The following TBC1D19 variants were observed in gnomAD, a reference collection of about 807,000 sequenced individuals.
TBC1D19 encodes the protein TBC1 domain family, member 19.
TBC1D19 carries 60 observed loss-of-function variants against 89.0 expected under a neutral mutation model. The ratio of observed to expected loss-of-function variants is 0.67; its 90% CI spans 0.55 to 0.84. TBC1D19 has a LOEUF of 0.84. Ranked by LOEUF, TBC1D19 falls within the 40% of genes least tolerant of loss-of-function variation. The pLI, the probability that TBC1D19 is intolerant of heterozygous loss-of-function variation, is 0.00. For synonymous variants in TBC1D19, 189 were observed against 199.7 expected, an observed-to-expected ratio of 0.95 and a Z score of 0.45; for missense variants, 500 against 610.8, an observed-to-expected ratio of 0.82 and a Z score of 1.91.
At chr4:26,590,242 A>T (rs2109945725) in intron 1 of TBC1D19, among the ~76,000 whole-genome samples, 1 of 152,288 alleles carries the variant, frequency 6.6e-6, no homozygotes, top group African/African-American at 2.4e-5. Context: ...CAGTTTACTG[A>T]TGGGTTCAGA....
the TBC1D19 span, among the ~76,000 whole-genome samples, chr4:26,777,425 G>A: frequency 1.1e-4 from 16 of 151,866 alleles, 1 homozygote; most frequent in East Asian, 9.7e-4. Flanking sequence ...GTGAGCCACC[G>A]CACTCTGCCT....
chr4:26,796,005 T>C, the TBC1D19 span, among the ~76,000 whole-genome samples: 1 of 152,222 alleles, frequency 6.6e-6, no homozygotes, highest in Admixed American at 6.5e-5. Flanking sequence ...ATGTTAATAC[T>C]GTACACATTG....
At chr4:26,603,940 T>C (rs560617359) in intron 1 of TBC1D19, among the ~76,000 whole-genome samples, 11 of 152,272 alleles carry the variant, frequency 7.2e-5, no homozygotes, top group Admixed American at 6.5e-4. Flanking sequence ...GCTGAAACTC[T>C]GTACCCATAA....
chr4:26,784,912 A>C, the TBC1D19 span, among the ~76,000 whole-genome samples: 2 of 152,262 alleles, frequency 1.3e-5, no homozygotes, highest in African/African-American at 4.8e-5. Flanking sequence ...CAAAGGGTGA[A>C]TGTTGACCAT....
intron 9 of TBC1D19, among the ~76,000 whole-genome samples, chr4:26,669,063 G>A (rs1289315477): frequency 6.6e-6 from 1 of 151,378 alleles, no homozygotes; most frequent in Admixed American, 6.6e-5. Context: ...TTAACAGAGT[G>A]AGCAAGCTCA....
rs780786187 is a variant in TBC1D19, at chr4:26,739,988, A to C, written c.1227+15A>C. 6.7e-7 allele frequency: 1 copy of C among 1,494,320 alleles called. No individual in the cohort carries two copies. Among genetic ancestry groups the C allele is most frequent in the African/African-American group, 1.4e-5 (1 of 70,850 alleles). The allele number at this position is 1,494,320 out of a possible 1,614,324, so 92.6% of individuals were successfully genotyped here. ...CTCATCCTTCTGTAAGTTCATAAGAAAAACTTGATCAAATTAGGTTGGATT... is the reference window on the plus strand; with the variant it reads ...CTCATCCTTCTGTAAGTTCATAAGACAAACTTGATCAAATTAGGTTGGATT... On this transcript the variant is annotated intron_variant, in intron 17 of 20. Transcript: ENST00000264866.
intron 1 of TBC1D19, among the ~76,000 whole-genome samples, chr4:26,592,745 C>G (rs1451942336): frequency 2.6e-5 from 4 of 151,290 alleles, no homozygotes; most frequent in Admixed American, 6.6e-5. Context: ...ACAATTGCTT[C>G]AAAGAGAATA....
chr4:26,820,297 T>C, the TBC1D19 span, among the ~76,000 whole-genome samples: 1 of 152,202 alleles, frequency 6.6e-6, no homozygotes, highest in Non-Finnish European at 1.5e-5. Context: ...TTGTACTGTT[T>C]GTTCAACATC....
At chr4:26,786,836 G>A in the TBC1D19 span, among the ~76,000 whole-genome samples, 1 of 151,914 alleles carries the variant, frequency 6.6e-6, no homozygotes, top group Non-Finnish European at 1.5e-5. Flanking sequence ...AGATGGGGCC[G>A]AATGGCCGGT....
chr4:26,816,264 A>G, the TBC1D19 span, among the ~76,000 whole-genome samples: 1 of 152,104 alleles, frequency 6.6e-6, no homozygotes, highest in African/African-American at 2.4e-5. Context: ...TTATGGAGCA[A>G]TTGCTACATT....
At chr4:26,797,698 C>T in the TBC1D19 span, among the ~76,000 whole-genome samples, 197 of 152,228 alleles carry the variant, frequency 1.3e-3, 2 homozygotes, top group African/African-American at 4.4e-3. Context: ...AAATTAGACA[C>T]ATAGGTTAAT....
chr4:26,799,096 G>A, the TBC1D19 span, among the ~76,000 whole-genome samples: 1 of 152,164 alleles, frequency 6.6e-6, no homozygotes, highest in African/African-American at 2.4e-5. Flanking sequence ...ATTAAGTAGA[G>A]ATGCTAGAAT....
At chr4:26,757,045 GCT>G (rs1719293977), downstream of TBC1D19, among the ~76,000 whole-genome samples, 1 of 151,142 alleles carries the variant, frequency 6.6e-6, no homozygotes, top group Non-Finnish European at 1.5e-5. Context: ...ACGCAGTCTG[GCT>G]CTGTCACCCA....
the TBC1D19 span, among the ~76,000 whole-genome samples, chr4:26,781,352 G>T: frequency 6.6e-6 from 1 of 152,298 alleles, no homozygotes; most frequent in South Asian, 2.1e-4. Flanking sequence ...CTGGTTCTCT[G>T]CAACTTCCTA....
chr4:26,595,833 A>C (rs1219417752), intron 1 of TBC1D19, among the ~76,000 whole-genome samples: 2 of 152,198 alleles, frequency 1.3e-5, no homozygotes, highest in African/African-American at 4.8e-5. Flanking sequence ...TTCTTTCACC[A>C]ATACCACACT....
chr4:26,855,714 C>A, the TBC1D19 span, among the ~76,000 whole-genome samples: 1 of 152,320 alleles, frequency 6.6e-6, no homozygotes, highest in South Asian at 2.1e-4. Context: ...TCTGTGGCAT[C>A]TTTTTCTAAA....
chr4:26,616,805 T>A (rs1041660461), intron 3 of TBC1D19, among the ~76,000 whole-genome samples: 3 of 152,222 alleles, frequency 2.0e-5, no homozygotes, highest in African/African-American at 7.2e-5. Context: ...CCATTTCAGA[T>A]TGCATACTTT....
At chr4:26,794,933 A>G in the TBC1D19 span, among the ~76,000 whole-genome samples, 6 of 152,174 alleles carry the variant, frequency 3.9e-5, no homozygotes, top group African/African-American at 1.4e-4. Flanking sequence ...TCTCTTGTCA[A>G]GATTACTGTG....
the TBC1D19 span, among the ~76,000 whole-genome samples, chr4:26,810,465 G>A: frequency 6.6e-6 from 1 of 152,164 alleles, no homozygotes; most frequent in African/African-American, 2.4e-5. Flanking sequence ...GACCCTGTAT[G>A]ATCAGGCCTC....
Sources: gnomAD v4.1 joint callset for allele counts (sites outside exome capture counted in the v4.1 genomes callset) on GRCh38, gnomAD v4.1.1 for gene constraint, MANE v1.5 for transcripts, NCBI Gene and HGNC (gene_info 2026-07-23, HGNC 2026-07-21) for gene names.